Variants in NRG1 observed in about 807,000 individuals in gnomAD.
NRG1 encodes neuregulin 1, also known as pro-neuregulin-1, membrane-bound isoform.
In NRG1, 18 loss-of-function variants were observed where a neutral mutation model predicts 63.8. That is an observed-to-expected ratio of 0.28 (90% CI 0.19 to 0.42). The LOEUF is 0.42. NRG1 is among the 10% of genes least tolerant of loss of function. The pLI, the probability that NRG1 is intolerant of heterozygous loss-of-function variation, is 1.00. For missense variants in NRG1, 762 were observed against 814.7 expected (o/e 0.94, Z 0.79); for synonymous variants, 302 against 301.3 (o/e 1.00, Z -0.02).
chr8:32,571,122 C>T (rs1056707449), intron 1 of NRG1, among the ~76,000 whole-genome samples: 1 of 152,096 alleles, frequency 6.6e-6, no homozygotes, highest in South Asian at 2.1e-4. Flanking sequence ...TTATAGTCTT[C>T]ATAAATATTT....
chr8:32,280,700 T>TG (rs1476693190), intron 1 of NRG1, among the ~76,000 whole-genome samples: 9 of 133,560 alleles, frequency 6.7e-5, no homozygotes, highest in African/African-American at 1.4e-4. Context: ...TGTTTTTTTT[T>TG]TTTTTTTTTT....
chr8:32,624,237 A>G (rs1817316975), intron 5 of NRG1, among the ~76,000 whole-genome samples: 1 of 152,160 alleles, frequency 6.6e-6, no homozygotes, highest in African/African-American at 2.4e-5. Context: ...TGATTGCATC[A>G]TGTCTGACCC....
chr8:31,654,764 C>G (rs1805259811), intron 1 of NRG1, among the ~76,000 whole-genome samples: 1 of 152,026 alleles, frequency 6.6e-6, no homozygotes, highest in African/African-American at 2.4e-5. Context: ...ATAGTGAGGC[C>G]CTGTCTGTGC....
At chr8:31,806,269 TACA>T (rs1436450247) in intron 1 of NRG1, among the ~76,000 whole-genome samples, 2 of 152,192 alleles carry the variant, frequency 1.3e-5, no homozygotes, top group Non-Finnish European at 2.9e-5. Context: ...ATATAATTTC[TACA>T]ACAAGTGGAA....
intron 1 of NRG1, among the ~76,000 whole-genome samples, chr8:32,119,719 A>G (rs533622129): frequency 2.6e-5 from 4 of 152,014 alleles, no homozygotes; most frequent in Non-Finnish European, 5.9e-5. Context: ...ACCCAGGACA[A>G]CTGGAAGGCC....
At chr8:32,354,029 G>A (rs1251939350) in intron 1 of NRG1, among the ~76,000 whole-genome samples, 1 of 152,178 alleles carries the variant, frequency 6.6e-6, no homozygotes, top group Non-Finnish European at 1.5e-5. Context: ...GCTACAACAT[G>A]GATGATGCAA....
At chr8:32,614,886 C>T (rs1318283936) in intron 4 of NRG1, among the ~76,000 whole-genome samples, 2 of 152,038 alleles carry the variant, frequency 1.3e-5, no homozygotes, top group East Asian at 1.9e-4. Flanking sequence ...CCAGGTGATT[C>T]TCTTAGCTGC....
chr8:32,000,345 A>G (rs1812717289), intron 1 of NRG1, among the ~76,000 whole-genome samples: 1 of 151,924 alleles, frequency 6.6e-6, no homozygotes, highest in Non-Finnish European at 1.5e-5. Flanking sequence ...TGTCCTTGAA[A>G]TAGAACCTCA....
At chr8:32,124,868 T>C (rs986507333) in intron 1 of NRG1, among the ~76,000 whole-genome samples, 3 of 151,920 alleles carry the variant, frequency 2.0e-5, no homozygotes, top group Non-Finnish European at 2.9e-5. Context: ...TAATAACCTA[T>C]GACATCAGCT....
At chr8:32,595,785 C>A in intron 1 of NRG1, 43 bp from the exon 2 acceptor site, 2 of 1,550,048 alleles carry the variant, frequency 1.3e-6, no homozygotes, top group Non-Finnish European at 1.8e-6. Context: ...TGAAAGATTG[C>A]CTGGTGATCA....
chr8:31,857,473 G>A (rs184020901), intron 1 of NRG1, among the ~76,000 whole-genome samples: 10 of 152,284 alleles, frequency 6.6e-5, no homozygotes, highest in East Asian at 1.9e-4. Context: ...GCTTTGGCTC[G>A]CGCAGGGTAT....
At chr8:32,686,018 T>C (rs1467907979) in intron 5 of NRG1, among the ~76,000 whole-genome samples, 3 of 152,236 alleles carry the variant, frequency 2.0e-5, no homozygotes, top group Non-Finnish European at 4.4e-5. Context: ...AGATTTATTA[T>C]AAAGTTAGAG....
chr8:31,642,117 C>G (rs12679372), intron 1 of NRG1, among the ~76,000 whole-genome samples: 10 of 152,074 alleles, frequency 6.6e-5, no homozygotes, highest in African/African-American at 2.2e-4. Flanking sequence ...AGGGATTCCC[C>G]GAGACCCACT....
chr8:32,038,318 G>A, intron 1 of NRG1, among the ~76,000 whole-genome samples: 1 of 151,986 alleles, frequency 6.6e-6, no homozygotes, highest in East Asian at 2.0e-4. Flanking sequence ...CAACCATCTA[G>A]TCAGTCCCAA....
chr8:31,860,817 T>G (rs1828405959), intron 1 of NRG1, among the ~76,000 whole-genome samples: 1 of 152,222 alleles, frequency 6.6e-6, no homozygotes. Context: ...TTTTAATAGT[T>G]ACTTCCTGCA....
intron 1 of NRG1, among the ~76,000 whole-genome samples, chr8:31,704,753 A>G (rs1585789583): frequency 6.6e-6 from 1 of 151,122 alleles, no homozygotes; most frequent in Admixed American, 6.6e-5. Flanking sequence ...AATGGCGTGA[A>G]CCTGGGAGGT....
intron 1 of NRG1, among the ~76,000 whole-genome samples, chr8:31,781,979 A>G (rs1488550388): frequency 6.6e-6 from 1 of 152,014 alleles, no homozygotes; most frequent in Non-Finnish European, 1.5e-5. Context: ...CACTGAACCC[A>G]CCTGGACTTG....
chr8:32,359,125 G>A (rs1470636308), intron 1 of NRG1, among the ~76,000 whole-genome samples: 3 of 152,026 alleles, frequency 2.0e-5, no homozygotes, highest in African/African-American at 4.8e-5. Context: ...ATAAGTCTAC[G>A]TCAGCCCCTA....
intron 5 of NRG1, among the ~76,000 whole-genome samples, chr8:32,643,314 A>G (rs183540580): frequency 1.6e-4 from 24 of 152,266 alleles, no homozygotes; most frequent in Admixed American, 1.5e-3. Context: ...ATGCAGTGGA[A>G]ATAGTTTGTT....
Sources: gnomAD v4.1 joint callset for allele counts (sites outside exome capture counted in the v4.1 genomes callset) on GRCh38, gnomAD v4.1.1 for gene constraint, MANE v1.5 for transcripts, NCBI Gene and HGNC (gene_info 2026-07-23, HGNC 2026-07-21) for gene names.